RSF1: variants seen among roughly 807,000 people sequenced by gnomAD.
The protein encoded by RSF1 is remodeling and spacing factor 1, also known as HBV pX-associated protein 8.
RSF1 carries 13 observed loss-of-function variants against 145.2 expected under a neutral mutation model. The observed-to-expected ratio is 0.09, with a 90% CI of 0.06 to 0.14. The LOEUF (loss-of-function observed/expected upper bound fraction) is 0.14, where lower values mean the gene tolerates loss of function less well. Ranked by LOEUF, RSF1 falls within the 10% of genes least tolerant of loss-of-function variation. The pLI is 1.00. For missense variants in RSF1, 1,517 were observed against 1,718.2 expected, an observed-to-expected ratio of 0.88 and a Z score of 2.07; for synonymous variants, 577 against 592.6, an observed-to-expected ratio of 0.97 and a Z score of 0.38.
intron 5 of RSF1, among the ~76,000 whole-genome samples, chr11:77,704,318 T>C (rs1029349445): frequency 2.0e-5 from 3 of 152,018 alleles, no homozygotes; most frequent in African/African-American, 4.8e-5. Context: ...TCTCAAAAAA[T>C]AGAAACAAAC....
chr11:77,717,181 C>CCA (rs1960834722), intron 5 of RSF1, among the ~76,000 whole-genome samples: 1 of 129,200 alleles, frequency 7.7e-6, no homozygotes, highest in Admixed American at 7.8e-5. Context: ...AACCAAAAAC[C>CCA]AAAAAAAAAA....
chr11:77,746,324 C>T (rs1948001947), intron 3 of RSF1, among the ~76,000 whole-genome samples: 1 of 152,068 alleles, frequency 6.6e-6, no homozygotes, highest in South Asian at 2.1e-4. Context: ...CAGCAATCAA[C>T]ATCTAACAGC....
intron 9 of RSF1, 44 bp downstream of exon 9, chr11:77,691,115 C>T (rs1590831782): frequency 6.6e-7 from 1 of 1,523,782 alleles, no homozygotes; most frequent in Non-Finnish European, 9.1e-7. Context: ...GACAATTCTG[C>T]TCTCATATTC....
chr11:77,741,406 G>C (rs1947935254), intron 3 of RSF1, among the ~76,000 whole-genome samples: 1 of 152,108 alleles, frequency 6.6e-6, no homozygotes, highest in Non-Finnish European at 1.5e-5. Flanking sequence ...GGCCAGGTAT[G>C]GTGGTGCACG....
chr11:77,693,075 A>G (rs1015951481), intron 8 of RSF1, among the ~76,000 whole-genome samples: 1 of 152,216 alleles, frequency 6.6e-6, no homozygotes, highest in Admixed American at 6.5e-5. Context: ...AGTTTCTAAA[A>G]GAAATTTGCC....
chr11:77,774,697 C>T (rs1423700861), intron 1 of RSF1, among the ~76,000 whole-genome samples: 2 of 151,306 alleles, frequency 1.3e-5, no homozygotes, highest in African/African-American at 4.8e-5. Flanking sequence ...AAGGCAGAGG[C>T]AGGCAGATCA....
Position 77,772,905 on chromosome 11 carries a change from T to C in RSF1, c.188-8216A>G, listed in dbSNP as rs538428962. Among the ~76,000 whole-genome samples, 19 of 149,096 alleles carry C rather than the reference T, an allele frequency of 1.3e-4. No individual in the cohort carries two copies. The South Asian group carries it at 3.8e-3, about 30-fold the overall frequency. ...AAGAACGTAGACATCTAGCCTTCCA[T>C]TCCAGGGCTCTTTCCGATGTTTCTC... is the stretch of plus-strand genomic sequence containing the variant. On this transcript the variant is annotated intron_variant, in intron 1 of 15. Transcript: ENST00000308488.
chr11:77,855,135 C>T, the RSF1 span, among the ~76,000 whole-genome samples: 3 of 152,120 alleles, frequency 2.0e-5, no homozygotes, highest in African/African-American at 4.8e-5. Context: ...AGGCCTTGTA[C>T]CTGTCCCACA....
chr11:77,832,373 C>CT, the RSF1 span, among the ~76,000 whole-genome samples: 1 of 151,258 alleles, frequency 6.6e-6, no homozygotes, highest in Admixed American at 6.6e-5. Flanking sequence ...GTTGCCCAGG[C>CT]TGGAGTGCAA....
intron 1 of RSF1, among the ~76,000 whole-genome samples, chr11:77,820,214 G>A (rs910183170): frequency 2.6e-4 from 40 of 152,114 alleles, no homozygotes; most frequent in Admixed American, 2.5e-3. Context: ...GCCGCCCTCC[G>A]CCGCGGAGAA....
rs748982892 is a variant in RSF1 at position 77,685,170 on chromosome 11, AAAAC to A, written c.2901-15_2901-12del. On this transcript the variant is annotated splice_polypyrimidine_tract_variant and intron_variant, in intron 9 of 15. Coordinates refer to ENST00000308488, the MANE Select transcript of RSF1 (RefSeq NM_016578.4). ...ACCAAGCGTTCTTTTCTTTAGGTGA[AAAAC>A]AAACAAAATACATGAGATTTGCAGA... 2.7e-5 allele frequency: 41 copies of A among 1,497,084 alleles called. No individual in the cohort carries two copies. The highest frequency in any genetic ancestry group is 9.6e-5 in the East Asian group (4 of 41,690). The allele number at this position is 1,497,084 out of a possible 1,614,324, so 92.7% of individuals were successfully genotyped here.
At chr11:77,741,037 C>T in intron 3 of RSF1, 101 bp from the exon 4 acceptor site, 2 of 846,236 alleles carry the variant, frequency 2.4e-6, no homozygotes, top group Non-Finnish European at 3.8e-6. Context: ...AAGCAGTGGA[C>T]AGAACACAAA....
chr11:77,720,150 A>G (rs538924354), intron 5 of RSF1, among the ~76,000 whole-genome samples: 63 of 152,328 alleles, frequency 4.1e-4, no homozygotes, highest in African/African-American at 1.4e-3. Context: ...AGAAACCAAA[A>G]TAAACACGTT....
At chr11:77,708,177 T>C (rs1960597318) in intron 5 of RSF1, among the ~76,000 whole-genome samples, 1 of 152,174 alleles carries the variant, frequency 6.6e-6, no homozygotes, top group Non-Finnish European at 1.5e-5. Context: ...CCCAGCACTT[T>C]GGTGGGCCAA....
At chr11:77,777,385 A>C (rs187695511) in intron 1 of RSF1, among the ~76,000 whole-genome samples, 193 of 152,268 alleles carry the variant, frequency 1.3e-3, no homozygotes, top group African/African-American at 4.4e-3. Context: ...TGAGGTCAGG[A>C]GTTTGAGACC....
chr11:77,819,307 C>G (rs1948813926), intron 1 of RSF1, among the ~76,000 whole-genome samples: 1 of 152,214 alleles, frequency 6.6e-6, no homozygotes, highest in African/African-American at 2.4e-5. Context: ...AGGCAATGCT[C>G]AGAGTATAAC....
At position 77,664,987 on chromosome 11, in the gene RSF1, T is replaced by A. The variant is rs1400519429; in HGVS notation, c.*1930A>T. Reference sequence around the variant, plus strand: ...GTTGCTTTCATTATTTTATTTTTTATACAGATACATACACATTGCTAGAAT... The same window carrying A: ...GTTGCTTTCATTATTTTATTTTTTAAACAGATACATACACATTGCTAGAAT... On this transcript the variant is annotated 3_prime_UTR_variant, in exon 16 of 16. Transcript: ENST00000308488. The A allele has an allele frequency of 1.3e-5, 2 of 152,182 alleles. No homozygotes were observed. The highest frequency in any genetic ancestry group is 2.4e-5 in the African/African-American group (1 of 41,442). The allele number at this position is 152,182 out of a possible 1,614,324, so 9.4% of individuals were successfully genotyped here.
chr11:77,670,755 T>G (rs1959501439), intron 15 of RSF1, among the ~76,000 whole-genome samples: 1 of 152,128 alleles, frequency 6.6e-6, no homozygotes, highest in South Asian at 2.1e-4. Flanking sequence ...CCTTTCTCTT[T>G]TGTCTTGGGC....
At chr11:77,706,800 G>GT (rs1960562896) in intron 5 of RSF1, among the ~76,000 whole-genome samples, 1 of 152,042 alleles carries the variant, frequency 6.6e-6, no homozygotes, top group South Asian at 2.1e-4. Context: ...CTGATATGTA[G>GT]TTTTTTGATC....
Sources: allele counts gnomAD v4.1 joint callset (sites outside exome capture counted in the v4.1 genomes callset), GRCh38; gene constraint gnomAD v4.1.1; transcripts MANE v1.5; gene names NCBI Gene and HGNC (gene_info 2026-07-23, HGNC 2026-07-21).